Variants in SMARCA5 observed in about 807,000 individuals in gnomAD.
SMARCA5 encodes the protein SWI/SNF-related matrix-associated actin-dependent regulator of chromatin subfamily A member 5.
Under a neutral mutation model 140.4 loss-of-function variants are expected in SMARCA5, and 18 were observed. The observed-to-expected ratio is 0.13, with a 90% CI of 0.09 to 0.19. The LOEUF (loss-of-function observed/expected upper bound fraction) is 0.19, where lower values mean the gene tolerates loss of function less well. Ranked by LOEUF, SMARCA5 falls within the 10% of genes least tolerant of loss-of-function variation. The pLI is 1.00. For synonymous variants in SMARCA5, 449 were observed against 419.6 expected (o/e 1.07, Z -0.86); for missense variants, 606 against 1,276.8 (o/e 0.47, Z 8.01).
chr4:143,544,772 A>T lies in SMARCA5; in HGVS notation c.2208A>T (p.Arg736=). 3 of 1,612,978 alleles carry T rather than the reference A, an allele frequency of 1.9e-6. No homozygotes were observed. In the South Asian group the frequency reaches 3.3e-5, roughly 18 times the overall value. ...AFTEWIEPPK[R]ERKANYAVDA... ...CAGAGTGGATTGAACCACCTAAACG[A>T]GAAAGAAAAGCCAACTATGCCGTTG... Residue 736 remains arginine, a synonymous_variant, in exon 17 of 24, where the codon CGA becomes CGT. Transcript: ENST00000283131.
chr4:143,520,073 C>G lies in SMARCA5; in HGVS notation c.253-1356C>G, dbSNP rs75690459. 7.5e-3 allele frequency among the ~76,000 whole-genome samples: 1,145 copies of G among 152,220 alleles called. 10 individuals are homozygous for G. The highest frequency in any genetic ancestry group is 0.026 in the African/African-American group (1,096 of 41,548). ...TTTCTTTCAGGTTCCTAATCATACT[C>G]TCTTGTTTCTGCTTTTTAGGTTCTG... is the stretch of plus-strand genomic sequence containing the variant. On this transcript the variant is annotated intron_variant, in intron 2 of 23. Transcript: ENST00000283131.
intron 3 of SMARCA5, among the ~76,000 whole-genome samples, chr4:143,523,726 G>A (rs1737010763): frequency 6.6e-6 from 1 of 152,208 alleles, no homozygotes; most frequent in Non-Finnish European, 1.5e-5. Flanking sequence ...GGTCTCAACA[G>A]AGGCATAACG....
intron 22 of SMARCA5, 79 bp downstream of exon 22, chr4:143,548,219 T>TA (rs1004699560): frequency 6.3e-6 from 5 of 794,254 alleles, no homozygotes; most frequent in East Asian, 2.6e-5. Flanking sequence ...AAGGTGACTT[T>TA]AAAAAAATCT....
At chr4:143,528,454 G>A (rs1196193824) in intron 7 of SMARCA5, 129 bp from the exon 8 acceptor site, 2 of 682,880 alleles carry the variant, frequency 2.9e-6, no homozygotes, top group East Asian at 5.6e-5. Flanking sequence ...ATTCGCTGAT[G>A]TATATGTGCC....
chr4:143,531,601 T>G (rs1342266081), intron 9 of SMARCA5, among the ~76,000 whole-genome samples: 1 of 152,180 alleles, frequency 6.6e-6, no homozygotes, highest in Non-Finnish European at 1.5e-5. Flanking sequence ...GTAACATTCC[T>G]CCAGTTGTGA....
rs532675407 is a variant in SMARCA5 at position 143,518,030 on chromosome 4, C to T, written c.252+601C>T. ...ACCTTTAAAAATTTAACCTTGGAAGCGAGGTGAAGACCAGAATAGTTACTC... is the reference window on the plus strand; with the variant it reads ...ACCTTTAAAAATTTAACCTTGGAAGTGAGGTGAAGACCAGAATAGTTACTC... On this transcript the variant is annotated intron_variant, in intron 2 of 23. Coordinates refer to ENST00000283131, the MANE Select transcript of SMARCA5 (RefSeq NM_003601.4). 3.3e-5 allele frequency among the ~76,000 whole-genome samples: 5 copies of T among 152,128 alleles called. No individual in the cohort carries two copies. In the East Asian group the frequency reaches 7.7e-4, roughly 23 times the overall value.
chr4:143,514,511 G>T, intron 1 of SMARCA5: 1 of 165,886 alleles, frequency 6.0e-6, no homozygotes, highest in South Asian at 1.6e-4. Context: ...CCTTAGGAGC[G>T]GGATGCACGG....
At chr4:143,549,806 CATT>C (rs1180829519) in intron 22 of SMARCA5, among the ~76,000 whole-genome samples, 188 bp from the exon 23 acceptor site, 1 of 151,890 alleles carries the variant, frequency 6.6e-6, no homozygotes, top group Non-Finnish European at 1.5e-5. Context: ...GGAGTAAAAA[CATT>C]ATTTACAAAT....
chr4:143,545,456 T>G lies in SMARCA5; in HGVS notation c.2284-14T>G, dbSNP rs758891609. On this transcript the variant is annotated splice_polypyrimidine_tract_variant and intron_variant, in intron 17 of 23. Transcript: ENST00000283131. ...TCTTTTTTATGGATAACACTTATTT[T>G]TGTTTTTCTTTAGGCTCCTCGACCT... 3.3e-6 allele frequency: 5 copies of G among 1,536,112 alleles called. No individual in the cohort carries two copies. Among genetic ancestry groups the G allele is most frequent in the Non-Finnish European group, 3.6e-6 (4 of 1,110,654 alleles).
At position 143,535,967 on chromosome 4, in the gene SMARCA5, A is replaced by G. The variant is rs992952720; in HGVS notation, c.1269-485A>G. 2.6e-5 allele frequency among the ~76,000 whole-genome samples: 4 copies of G among 152,016 alleles called. No homozygotes were observed. In the East Asian group the frequency reaches 7.7e-4, roughly 29 times the overall value. Reference sequence around the variant, plus strand: ...TATGTTTAAGTCACGTTGTATTCATATTATTCTCATCATCATGCCTTACCA... The same window carrying G: ...TATGTTTAAGTCACGTTGTATTCATGTTATTCTCATCATCATGCCTTACCA... On this transcript the variant is annotated intron_variant, in intron 10 of 23. Transcript: ENST00000283131.
At chr4:143,530,808 T>C (rs1737168078) in intron 9 of SMARCA5, among the ~76,000 whole-genome samples, 1 of 152,106 alleles carries the variant, frequency 6.6e-6, no homozygotes, top group Admixed American at 6.5e-5. Flanking sequence ...TAATAATTAA[T>C]ATAGACAAGT....
At chr4:143,514,145 A>G in intron 1 of SMARCA5, 44 bp downstream of exon 1, 1 of 1,467,558 alleles carries the variant, frequency 6.8e-7, no homozygotes, top group Non-Finnish European at 9.0e-7. Flanking sequence ...AGCGGGGAGG[A>G]GGAGCTGGCT....
rs569085137 is a variant in SMARCA5 at position 143,557,199 on chromosome 4, G to A, written c.*4015G>A. 6.6e-6 allele frequency: 1 copy of A among 152,228 alleles called. No homozygotes were observed. Among genetic ancestry groups the A allele is most frequent in the South Asian group, 2.1e-4 (1 of 4,818 alleles). The allele number at this position is 152,228 out of a possible 1,614,324, so 9.4% of individuals were successfully genotyped here. On this transcript the variant is annotated 3_prime_UTR_variant, in exon 24 of 24. Transcript: ENST00000283131. Reference sequence around the variant, plus strand: ...CAAGGTGTGTGGCTCTTATCTCTAGGACACCAATATTTAATGTTGCATATC... The same window carrying A: ...CAAGGTGTGTGGCTCTTATCTCTAGAACACCAATATTTAATGTTGCATATC...
rs374163829 is a variant in SMARCA5, at chr4:143,534,812, T to G, written c.1159-43T>G. The stretch of plus-strand genomic sequence containing the variant: ...TCTAAGATGCTGAAATATGACCTTA[T>G]GTGTAATATTGGTATTACCTGTTTA... On this transcript the variant is annotated intron_variant, in intron 9 of 23. Coordinates refer to ENST00000283131, the MANE Select transcript of SMARCA5 (RefSeq NM_003601.4). 4 of 1,323,498 alleles carry G rather than the reference T, an allele frequency of 3.0e-6. No individual in the cohort carries two copies. The South Asian group carries it at 4.0e-5, about 13-fold the overall frequency. The allele number at this position is 1,323,498 out of a possible 1,614,324, so 82.0% of individuals were successfully genotyped here.
chr4:143,522,514 T>A (rs1420488885), intron 3 of SMARCA5, among the ~76,000 whole-genome samples: 1 of 152,218 alleles, frequency 6.6e-6, no homozygotes, highest in Non-Finnish European at 1.5e-5. Context: ...GAGGGAAGTA[T>A]GATCTTCATC....
intron 14 of SMARCA5, among the ~76,000 whole-genome samples, chr4:143,540,855 A>G (rs1021002030): frequency 6.6e-6 from 1 of 152,180 alleles, no homozygotes; most frequent in Admixed American, 6.5e-5. Context: ...TTAATGATTT[A>G]TATGTACTAA....
intron 8 of SMARCA5, among the ~76,000 whole-genome samples, chr4:143,529,278 A>G (rs551994264): frequency 6.6e-6 from 1 of 152,148 alleles, no homozygotes; most frequent in Non-Finnish European, 1.5e-5. Flanking sequence ...GAAATGGCAT[A>G]AATTGTCACT....
intron 9 of SMARCA5, among the ~76,000 whole-genome samples, chr4:143,534,087 T>TA (rs1373216655): frequency 6.6e-6 from 1 of 152,192 alleles, no homozygotes; most frequent in African/African-American, 2.4e-5. Flanking sequence ...AAAGCAGTAA[T>TA]GTATTGCTTT....
In SMARCA5 at chr4:143,514,041, C is replaced by T. The variant is rs1736765120; in HGVS notation, c.117C>T (p.Gly39=). ...SNSSNKGGPE[G]VAAQAVASAA... Reference sequence around the variant, plus strand: ...GCAGCAACAAAGGCGGCCCCGAAGGCGTCGCGGCGCAGGCGGTTGCGTCTG... The same window carrying T: ...GCAGCAACAAAGGCGGCCCCGAAGGTGTCGCGGCGCAGGCGGTTGCGTCTG... Residue 39 remains glycine, a synonymous_variant, in exon 1 of 24, where the codon GGC becomes GGT. Coordinates refer to ENST00000283131, the MANE Select transcript of SMARCA5 (RefSeq NM_003601.4). 6.4e-7 allele frequency: 1 copy of T among 1,557,798 alleles called. No individual in the cohort carries two copies. The highest frequency in any genetic ancestry group is 2.4e-5 in the East Asian group (1 of 42,110).
Sources: gnomAD v4.1 joint callset for allele counts (sites outside exome capture counted in the v4.1 genomes callset) on GRCh38, gnomAD v4.1.1 for gene constraint, MANE v1.5 for transcripts, NCBI Gene and HGNC (gene_info 2026-07-23, HGNC 2026-07-21) for gene names.